The following CADPS2 variants were observed in gnomAD, a reference collection of about 807,000 sequenced individuals.
CADPS2 encodes calcium dependent secretion activator 2.
CADPS2 carries 93 observed loss-of-function variants against 172.5 expected under a neutral mutation model. That is an observed-to-expected ratio of 0.54 (90% CI 0.46 to 0.64). The LOEUF (loss-of-function observed/expected upper bound fraction) is 0.64, where lower values mean the gene tolerates loss of function less well. CADPS2 is among the 30% of genes least tolerant of loss of function. The pLI, the probability that CADPS2 is intolerant of heterozygous loss-of-function variation, is 0.00. For missense variants in CADPS2, 1,420 were observed against 1,565.9 expected, an observed-to-expected ratio of 0.91 and a Z score of 1.57; for synonymous variants, 546 against 555.2, an observed-to-expected ratio of 0.98 and a Z score of 0.23.
At chr7:122,638,780 T>C (rs2077317754) in intron 3 of CADPS2, among the ~76,000 whole-genome samples, 1 of 152,252 alleles carries the variant, frequency 6.6e-6, no homozygotes, top group Non-Finnish European at 1.5e-5. Context: ...CCTGTCTTCA[T>C]GCTGGTCCCA....
chr7:122,574,445 TAAAA>T (rs869077766), intron 7 of CADPS2, among the ~76,000 whole-genome samples: 22 of 37,980 alleles, frequency 5.8e-4, no homozygotes, highest in Middle Eastern at 0.02. Context: ...GACCCTGTCT[TAAAA>T]AAAAAAAAAA....
intron 27 of CADPS2, among the ~76,000 whole-genome samples, chr7:122,352,239 A>G (rs1462010897): frequency 1.3e-5 from 2 of 152,222 alleles, no homozygotes. Context: ...AATCATAATG[A>G]TGATGGTTTT....
intron 2 of CADPS2, chr7:122,702,289 C>T (rs549412357): frequency 2.4e-5 from 38 of 1,613,818 alleles, no homozygotes; most frequent in African/African-American, 1.1e-4. Flanking sequence ...GGTTGCTTAT[C>T]ATCACCGCGA....
chr7:122,449,522 A>G (rs1158898589), intron 15 of CADPS2, among the ~76,000 whole-genome samples: 1 of 152,000 alleles, frequency 6.6e-6, no homozygotes, highest in Non-Finnish European at 1.5e-5. Flanking sequence ...GGGTCTCGCT[A>G]CGTTGCCTAG....
At chr7:122,504,630 G>A (rs888532408) in intron 9 of CADPS2, among the ~76,000 whole-genome samples, 23 of 152,032 alleles carry the variant, frequency 1.5e-4, no homozygotes, top group Non-Finnish European at 3.1e-4. Flanking sequence ...GCAGTGGTGC[G>A]ATGATAGCTC....
At chr7:122,657,275 T>C (rs2079920254) in intron 3 of CADPS2, among the ~76,000 whole-genome samples, 1 of 152,210 alleles carries the variant, frequency 6.6e-6, no homozygotes, top group Admixed American at 6.5e-5. Flanking sequence ...TGGCTTAGGA[T>C]TGTCTTGGCA....
intron 17 of CADPS2, among the ~76,000 whole-genome samples, chr7:122,428,446 T>TAC (rs1164941146): frequency 2.7e-5 from 4 of 146,650 alleles, no homozygotes; most frequent in Non-Finnish European, 4.5e-5. Context: ...TACATATATA[T>TAC]ACACACATAT....
chr7:122,389,661 C>T (rs1563214474), intron 22 of CADPS2, among the ~76,000 whole-genome samples: 2 of 151,890 alleles, frequency 1.3e-5, no homozygotes, highest in Admixed American at 1.3e-4. Context: ...TACATTAAAA[C>T]ATATTGAAAT....
chr7:122,823,503 A>G (rs1803991548), intron 1 of CADPS2, among the ~76,000 whole-genome samples: 1 of 151,992 alleles, frequency 6.6e-6, no homozygotes, highest in Admixed American at 6.6e-5. Flanking sequence ...TTTAATGTGC[A>G]TAGAAGTCTC....
chr7:122,588,730 A>G (rs985439015), intron 6 of CADPS2, among the ~76,000 whole-genome samples: 3 of 151,868 alleles, frequency 2.0e-5, no homozygotes, highest in African/African-American at 4.8e-5. Flanking sequence ...CTGCTGTCCT[A>G]TGAGAGATTT....
chr7:122,697,244 CAAGAAT>C (rs2085260649), intron 2 of CADPS2, among the ~76,000 whole-genome samples: 1 of 151,780 alleles, frequency 6.6e-6, no homozygotes, highest in African/African-American at 2.4e-5. Flanking sequence ...AACTATTTAT[CAAGAAT>C]AAGAATAATA....
chr7:122,777,154 AAATAAT>A (rs905517539), intron 1 of CADPS2, among the ~76,000 whole-genome samples: 10 of 152,166 alleles, frequency 6.6e-5, no homozygotes, highest in African/African-American at 2.4e-4. Flanking sequence ...CTGTCTAAAA[AAATAAT>A]AATAATTAAG....
At chr7:122,665,906 G>A (rs2081143473) in intron 2 of CADPS2, among the ~76,000 whole-genome samples, 1 of 152,036 alleles carries the variant, frequency 6.6e-6, no homozygotes, top group Non-Finnish European at 1.5e-5. Context: ...TTAAGTGACA[G>A]GTATATGCAT....
chr7:122,536,657 A>G (rs531886939), intron 8 of CADPS2, among the ~76,000 whole-genome samples: 1 of 152,212 alleles, frequency 6.6e-6, no homozygotes, highest in South Asian at 2.1e-4. Flanking sequence ...GGTGGGTCTT[A>G]TGGAAAACAA....
At chr7:122,609,344 C>T (rs1011746743) in intron 6 of CADPS2, among the ~76,000 whole-genome samples, 1 of 152,078 alleles carries the variant, frequency 6.6e-6, no homozygotes, top group Non-Finnish European at 1.5e-5. Flanking sequence ...AGGGTATGCA[C>T]TAACATTAAA....
At chr7:122,746,642 G>GACACAC (rs758081487) in intron 1 of CADPS2, among the ~76,000 whole-genome samples, 5 of 142,436 alleles carry the variant, frequency 3.5e-5, no homozygotes, top group Admixed American at 2.1e-4. Context: ...CACACACACA[G>GACACAC]ACACACACAC....
chr7:122,861,097 C>A (rs1816842453), intron 1 of CADPS2, among the ~76,000 whole-genome samples: 1 of 152,234 alleles, frequency 6.6e-6, no homozygotes, highest in African/African-American at 2.4e-5. Context: ...ATATGAATTT[C>A]ATTTCCTTTG....
At chr7:122,707,604 T>C (rs1182371891) in intron 2 of CADPS2, among the ~76,000 whole-genome samples, 5 of 151,960 alleles carry the variant, frequency 3.3e-5, no homozygotes, top group Non-Finnish European at 7.4e-5. Flanking sequence ...AAAACATTTA[T>C]TTTGCATTTA....
Position 122,645,378 on chromosome 7 carries a change from T to C in CADPS2, c.787-16050A>G, listed in dbSNP as rs563434519. Among the ~76,000 whole-genome samples, 158 of 78,318 alleles carry C rather than the reference T, an allele frequency of 2.0e-3. 4 individuals are homozygous for C. Among genetic ancestry groups the C allele is most frequent in the Admixed American group, 0.014 (116 of 8,336 alleles). 51.4% of individuals were successfully genotyped at this position (78,318 alleles called of 152,430 possible). ...GTATACATGTACATGTATACACACA[T>C]ATGTACATGTGTGTGTATATATGTA... On this transcript the variant is annotated intron_variant, in intron 3 of 29. Coordinates refer to ENST00000449022, the MANE Select transcript of CADPS2 (RefSeq NM_017954.11).
Sources: gnomAD v4.1 joint callset for allele counts (sites outside exome capture counted in the v4.1 genomes callset) on GRCh38, gnomAD v4.1.1 for gene constraint, MANE v1.5 for transcripts, NCBI Gene and HGNC (gene_info 2026-07-23, HGNC 2026-07-21) for gene names.